UNC13C: variants seen among roughly 807,000 people sequenced by gnomAD.
UNC13C encodes unc-13 homolog C, also known as protein unc-13 homolog C.
Under a neutral mutation model 245.4 loss-of-function variants are expected in UNC13C, and 174 were observed. The ratio of observed to expected loss-of-function variants is 0.71; its 90% CI spans 0.63 to 0.80. The LOEUF (loss-of-function observed/expected upper bound fraction) is 0.80, where lower values mean the gene tolerates loss of function less well. Ranked by LOEUF, UNC13C falls within the 30% of genes least tolerant of loss-of-function variation. UNC13C has a pLI of 0.00. For synonymous variants in UNC13C, 992 were observed against 895.1 expected, an observed-to-expected ratio of 1.11 and a Z score of -1.93; for missense variants, 2,829 against 2,602.9, an observed-to-expected ratio of 1.09 and a Z score of -1.89.
At chr15:54,519,637 C>G (rs1344038873) in intron 24 of UNC13C, among the ~76,000 whole-genome samples, 1 of 152,144 alleles carries the variant, frequency 6.6e-6, no homozygotes, top group Non-Finnish European at 1.5e-5. Context: ...ATGCCATAGT[C>G]TGTCTGAAAA....
chr15:54,052,075 T>C (rs1322105610), intron 2 of UNC13C, among the ~76,000 whole-genome samples: 1 of 115,030 alleles, frequency 8.7e-6, no homozygotes, highest in Non-Finnish European at 1.8e-5. Flanking sequence ...TCCATGTCCC[T>C]ACAAAGGACA....
At chr15:54,097,875 C>T (rs1899954054) in intron 2 of UNC13C, among the ~76,000 whole-genome samples, 1 of 152,186 alleles carries the variant, frequency 6.6e-6, no homozygotes, top group African/African-American at 2.4e-5. Flanking sequence ...ATGGGAACAA[C>T]ACTCATTTAT....
chr15:54,135,213 A>G (rs576226388), intron 2 of UNC13C, among the ~76,000 whole-genome samples: 1 of 152,328 alleles, frequency 6.6e-6, no homozygotes, highest in South Asian at 2.1e-4. Flanking sequence ...ACCCTTTATC[A>G]GACATATAGT....
At chr15:54,131,743 T>C (rs894628751) in intron 2 of UNC13C, among the ~76,000 whole-genome samples, 1 of 152,222 alleles carries the variant, frequency 6.6e-6, no homozygotes, top group Non-Finnish European at 1.5e-5. Context: ...GGCTGACTCC[T>C]ATAAAATATG....
intron 18 of UNC13C, among the ~76,000 whole-genome samples, chr15:54,410,163 G>C (rs991087042): frequency 2.6e-4 from 39 of 152,100 alleles, no homozygotes; most frequent in Non-Finnish European, 4.6e-4. Flanking sequence ...TTTTGGCCAT[G>C]TGTATGTCAT....
intron 10 of UNC13C, among the ~76,000 whole-genome samples, chr15:54,288,567 A>G (rs2037209538): frequency 1.3e-5 from 2 of 151,978 alleles, no homozygotes; most frequent in Admixed American, 6.6e-5. Context: ...TAGCCAGCCA[A>G]ATGTGAGACA....
rs117832225 is a variant in UNC13C, at chr15:54,145,493, G to A, written c.3071+1809G>A. ...CTCTCGTTCATATTCTAATGTTATA[G>A]TAATTTAAATAAGTTATAAAAGCAG... On this transcript the variant is annotated intron_variant, in intron 4 of 32. Coordinates refer to ENST00000260323, the MANE Select transcript of UNC13C (RefSeq NM_001080534.3). 4.4e-3 allele frequency among the ~76,000 whole-genome samples: 662 copies of A among 152,124 alleles called. 40 individuals are homozygous for A. In the East Asian group the frequency reaches 0.086, roughly 20 times the overall value.
At chr15:54,066,449 T>G (rs1898080532) in intron 2 of UNC13C, among the ~76,000 whole-genome samples, 1 of 152,226 alleles carries the variant, frequency 6.6e-6, no homozygotes, top group African/African-American at 2.4e-5. Flanking sequence ...TTTTGTTTTT[T>G]CAGACTTGGA....
chr15:54,174,182 T>C (rs762600130), intron 4 of UNC13C, among the ~76,000 whole-genome samples: 1 of 152,152 alleles, frequency 6.6e-6, no homozygotes, highest in Non-Finnish European at 1.5e-5. Flanking sequence ...AGTATCTTTG[T>C]TTGGGTTTAG....
intron 2 of UNC13C, among the ~76,000 whole-genome samples, chr15:54,084,582 T>C (rs1206549460): frequency 1.3e-5 from 2 of 152,198 alleles, no homozygotes; most frequent in Admixed American, 6.5e-5. Flanking sequence ...TAATGGGTCA[T>C]TTCACTTCTT....
chr15:54,402,180 G>A (rs1299620213), intron 18 of UNC13C, among the ~76,000 whole-genome samples: 2 of 151,666 alleles, frequency 1.3e-5, no homozygotes, highest in African/African-American at 2.4e-5. Flanking sequence ...AATAGGTAGC[G>A]AAAAAACCCA....
rs79775646 is a variant in UNC13C, at chr15:54,596,504, G to A, written c.6107-25823G>A. On this transcript the variant is annotated intron_variant, in intron 30 of 32. Transcript: ENST00000260323. The stretch of plus-strand genomic sequence containing the variant: ...CTCTGATAAGCATATGCACACACAC[G>A]TACAACAATAACTCAAGAGGCCAAA... 3.6e-3 allele frequency among the ~76,000 whole-genome samples: 542 copies of A among 152,250 alleles called. 2 individuals are homozygous for A. Among genetic ancestry groups the A allele is most frequent in the African/African-American group, 0.012 (517 of 41,544 alleles).
chr15:53,905,626 G>A, the UNC13C span, among the ~76,000 whole-genome samples: 1 of 152,196 alleles, frequency 6.6e-6, no homozygotes, highest in East Asian at 1.9e-4. Context: ...GGGGTTGGGG[G>A]AAGTGGGGAG....
chr15:54,004,206 T>A (rs564932916), intron 1 of UNC13C, among the ~76,000 whole-genome samples: 1 of 152,276 alleles, frequency 6.6e-6, no homozygotes. Flanking sequence ...ACTTTCTATC[T>A]CCATGAGTTC....
At chr15:54,433,800 G>T (rs1195743273) in intron 19 of UNC13C, among the ~76,000 whole-genome samples, 1 of 152,046 alleles carries the variant, frequency 6.6e-6, no homozygotes, top group Non-Finnish European at 1.5e-5. Context: ...AGTTGTCTCT[G>T]CTTGCAGATG....
chr15:54,374,108 C>T (rs1011892661), intron 17 of UNC13C, among the ~76,000 whole-genome samples: 1 of 152,144 alleles, frequency 6.6e-6, no homozygotes, highest in African/African-American at 2.4e-5. Context: ...GAATGTCTCC[C>T]CAAGTCTGTC....
At position 54,011,185 on chromosome 15, in the gene UNC13C, C is replaced by G. The variant is rs372380771; in HGVS notation, c.-256-1463C>G. ...CAGGTTGTTCTCTGTGGTTGGAATA[C>G]GAGCAAGTGAGTTCGTGTGTGCAAC... On this transcript the variant is annotated intron_variant, in intron 1 of 32. Transcript: ENST00000260323. Among the ~76,000 whole-genome samples, 9 of 152,044 alleles carry G rather than the reference C, an allele frequency of 5.9e-5. No homozygotes were observed. In the South Asian group the frequency reaches 1.9e-3, roughly 32 times the overall value.
chr15:54,151,401 C>T (rs564527444), intron 4 of UNC13C, among the ~76,000 whole-genome samples: 2 of 152,140 alleles, frequency 1.3e-5, no homozygotes, highest in Non-Finnish European at 2.9e-5. Context: ...ATGAAAACTA[C>T]TCTTTTATTC....
At chr15:54,560,541 A>C (rs1897260473) in intron 29 of UNC13C, among the ~76,000 whole-genome samples, 1 of 151,968 alleles carries the variant, frequency 6.6e-6, no homozygotes, top group Non-Finnish European at 1.5e-5. Flanking sequence ...AGATAGAGAA[A>C]ATGATACTTC....
Sources: gnomAD v4.1 joint callset for allele counts (sites outside exome capture counted in the v4.1 genomes callset) on GRCh38, gnomAD v4.1.1 for gene constraint, MANE v1.5 for transcripts, NCBI Gene and HGNC (gene_info 2026-07-23, HGNC 2026-07-21) for gene names.